The following CIMAP1A variants were observed in gnomAD, a reference collection of about 807,000 sequenced individuals.
The protein encoded by CIMAP1A is ciliary microtubule associated protein 1A.
the CIMAP1A span, chr11:197,966 T>C: frequency 1.3e-6 from 2 of 1,526,908 alleles, no homozygotes; most frequent in African/African-American, 2.7e-5. Flanking sequence ...ACCTGGACCT[T>C]TCTCTGCCAG....
chr11:198,253 A>C, the CIMAP1A span: 1 of 1,613,788 alleles, frequency 6.2e-7, no homozygotes, highest in Non-Finnish European at 8.5e-7. Context: ...GCACCCAGCC[A>C]CTCCATCTCT....
the CIMAP1A span, chr11:198,648 C>A: frequency 6.5e-7 from 1 of 1,548,448 alleles, no homozygotes; most frequent in Non-Finnish European, 8.7e-7. Flanking sequence ...TCCCCCGGAA[C>A]CCAGGACCCA....
the CIMAP1A span, chr11:197,790 C>A: frequency 6.2e-7 from 1 of 1,606,474 alleles, no homozygotes; most frequent in Non-Finnish European, 8.5e-7. Context: ...GGCTCCTGCC[C>A]TGCGCAGCCT....
At chr11:198,267 C>G in the CIMAP1A span, 1 of 1,614,046 alleles carries the variant, frequency 6.2e-7, no homozygotes, top group Non-Finnish European at 8.5e-7. Flanking sequence ...CATCTCTGCC[C>G]GGACAAAGGC....
At chr11:197,241 G>A in the CIMAP1A span, 49 of 1,197,484 alleles carry the variant, frequency 4.1e-5, no homozygotes, top group Middle Eastern at 2.5e-4. Flanking sequence ...ATCAGGGGCC[G>A]GCATGGGACA....
At chr11:199,155 G>A in the CIMAP1A span, 3 of 1,412,428 alleles carry the variant, frequency 2.1e-6, no homozygotes, top group African/African-American at 2.9e-5. Flanking sequence ...TTGCCAGCGT[G>A]AGGCTGAAAT....
the CIMAP1A span, chr11:199,472 C>A: frequency 1.9e-6 from 3 of 1,561,432 alleles, no homozygotes; most frequent in South Asian, 2.4e-5. Flanking sequence ...GGGGACAAGA[C>A]CCTCAAGCCA....
chr11:199,436 C>A, the CIMAP1A span: 4 of 1,568,816 alleles, frequency 2.5e-6, no homozygotes, highest in Non-Finnish European at 2.6e-6. Flanking sequence ...CCGCAGTACA[C>A]CATGGCTGCC....
At chr11:198,230 C>T in the CIMAP1A span, 40 of 1,613,898 alleles carry the variant, frequency 2.5e-5, no homozygotes, top group East Asian at 2.7e-4. Flanking sequence ...CCACCAAGTA[C>T]GTGTTCGACT....
the CIMAP1A span, chr11:197,761 G>A: frequency 6.2e-7 from 1 of 1,613,306 alleles, no homozygotes; most frequent in Non-Finnish European, 8.5e-7. Flanking sequence ...TCCTGGTCCA[G>A]GTTAGTGACC....
chr11:199,116 C>T, the CIMAP1A span: 18 of 1,372,078 alleles, frequency 1.3e-5, no homozygotes, highest in Non-Finnish European at 1.7e-5. Flanking sequence ...CAGCGATGTT[C>T]CCAGGACTGG....
At chr11:199,206 G>A in the CIMAP1A span, 2 of 1,442,816 alleles carry the variant, frequency 1.4e-6, no homozygotes, top group South Asian at 2.9e-5. Flanking sequence ...ACAAGCAGTG[G>A]GGTGTGATCT....
chr11:199,233 G>C, the CIMAP1A span: 2 of 1,475,552 alleles, frequency 1.4e-6, no homozygotes, highest in African/African-American at 1.4e-5. Flanking sequence ...TGTGACAGAA[G>C]ACAGAAGGGG....
the CIMAP1A span, chr11:197,286 CT>C: frequency 6.5e-7 from 1 of 1,542,522 alleles, no homozygotes; most frequent in Admixed American, 1.9e-5. Flanking sequence ...AACCCTCTCA[CT>C]TACGGACAGA....
the CIMAP1A span, chr11:197,839 G>A: frequency 6.5e-7 from 1 of 1,537,916 alleles, no homozygotes; most frequent in Non-Finnish European, 8.8e-7. Context: ...CTAACCTCAT[G>A]TCAGCAAGGG....
the CIMAP1A span, chr11:197,648 C>T: frequency 6.2e-7 from 1 of 1,613,626 alleles, no homozygotes; most frequent in Non-Finnish European, 8.5e-7. Flanking sequence ...AACTGCTCCC[C>T]AGGGCCCCGT....
chr11:198,582 C>T, the CIMAP1A span: 5 of 1,607,126 alleles, frequency 3.1e-6, no homozygotes, highest in Admixed American at 8.4e-5. Context: ...ACGACCTACA[C>T]AAGGCAAGGG....
At chr11:199,436 C>T in the CIMAP1A span, 1 of 1,568,816 alleles carries the variant, frequency 6.4e-7, no homozygotes, top group South Asian at 1.2e-5. Context: ...CCGCAGTACA[C>T]CATGGCTGCC....
the CIMAP1A span, chr11:199,042 T>C: frequency 8.2e-7 from 1 of 1,224,584 alleles, no homozygotes; most frequent in Non-Finnish European, 1.0e-6. Context: ...CTCGTCCATG[T>C]TGATTTTGCC....
Sources: gnomAD v4.1 joint callset for allele counts on GRCh38, gnomAD v4.1.1 for gene constraint, MANE v1.5 for transcripts, NCBI Gene and HGNC (gene_info 2026-07-23, HGNC 2026-07-21) for gene names.